Variants in NPHP4 observed in about 807,000 individuals in gnomAD.
NPHP4 encodes nephrocystin 4, also known as nephrocystin-4.
NPHP4 carries 151 observed loss-of-function variants against 155.8 expected under a neutral mutation model. That is an observed-to-expected ratio of 0.97 (90% confidence interval 0.85 to 1.11). NPHP4 has a LOEUF of 1.11. Among genes scored for constraint, NPHP4 ranks in the 50% least tolerant of loss-of-function variants. The pLI is 0.00. For synonymous variants in NPHP4, 845 were observed against 816.8 expected, an observed-to-expected ratio of 1.03 and a Z score of -0.59; for missense variants, 1,956 against 1,925.7, an observed-to-expected ratio of 1.02 and a Z score of -0.29.
chr1:5,939,647 G>A (rs999905214), intron 9 of NPHP4, among the ~76,000 whole-genome samples: 1 of 152,262 alleles, frequency 6.6e-6, no homozygotes, highest in African/African-American at 2.4e-5. Flanking sequence ...ATCCACTGCA[G>A]TGGGCACTGC....
At chr1:5,869,805 T>C (rs1177976863) in intron 23 of NPHP4, among the ~76,000 whole-genome samples, 1 of 152,140 alleles carries the variant, frequency 6.6e-6, no homozygotes, top group East Asian at 1.9e-4. Flanking sequence ...GGCAAATAAG[T>C]AAGCCAAATG....
At chr1:5,937,456 A>G (rs1646602435) in intron 9 of NPHP4, among the ~76,000 whole-genome samples, 1 of 152,346 alleles carries the variant, frequency 6.6e-6, no homozygotes, top group South Asian at 2.1e-4. Flanking sequence ...AGGTGAAAAC[A>G]TCACATTACT....
rs568310218 is a variant in NPHP4, at chr1:5,910,378, G to A, written c.1442-1165C>T. ...GACTTCCAGGATAACCCAGACCTCC[G>A]GAGAAATCAGGCTTCCCCCATGGCC... On this transcript the variant is annotated intron_variant, in intron 11 of 29. Coordinates refer to ENST00000378156, the MANE Select transcript of NPHP4 (RefSeq NM_015102.5). The surrounding 1 kb of genome is among the most constrained non-coding windows in gnomAD (Gnocchi z 5.4). Among the ~76,000 whole-genome samples the A allele has an allele frequency of 1.3e-5, 2 of 152,176 alleles. No individual in the cohort carries two copies. The highest frequency in any genetic ancestry group is 1.9e-4 in the East Asian group (1 of 5,164).
chr1:5,971,654 C>G (rs898736871), intron 3 of NPHP4, among the ~76,000 whole-genome samples: 2 of 152,232 alleles, frequency 1.3e-5, no homozygotes, highest in African/African-American at 4.8e-5. Context: ...TGCCTGACCA[C>G]CCAATTCCCG....
chr1:5,911,329 C>T (rs1359218491), intron 11 of NPHP4, among the ~76,000 whole-genome samples: 1 of 152,160 alleles, frequency 6.6e-6, no homozygotes, highest in African/African-American at 2.4e-5. Flanking sequence ...AGCTCCACGC[C>T]GTTCCTCCGT....
In NPHP4 at chr1:5,877,132, C is replaced by T; in HGVS notation, c.2778G>A (p.Glu926=). 1 of 1,590,194 alleles carries T rather than the reference C, an allele frequency of 6.3e-7. No individual in the cohort carries two copies. Among genetic ancestry groups the T allele is most frequent in the Non-Finnish European group, 8.6e-7 (1 of 1,161,710 alleles). Reference sequence around the variant, plus strand: ...CGCGCCGGCCCAAGTCTCCCCCGGCCTCCTGCAGGCGCACAGACCTCATCC... The same window carrying T: ...CGCGCCGGCCCAAGTCTCCCCCGGCTTCCTGCAGGCGCACAGACCTCATCC... ...LERMRSVRLQ[E]AGGDLGRRGT... Residue 926 remains glutamate (E), a synonymous_variant, in exon 20 of 30, where the codon GAG becomes GAA. Coordinates refer to ENST00000378156, the MANE Select transcript of NPHP4 (RefSeq NM_015102.5).
At chr1:5,883,021 G>A (rs928133096) in intron 18 of NPHP4, among the ~76,000 whole-genome samples, 1 of 152,130 alleles carries the variant, frequency 6.6e-6, no homozygotes, top group African/African-American at 2.4e-5. Context: ...CAGGGCTCCC[G>A]GTGAGAAGGG....
At chr1:5,962,443 A>G (rs1650507251) in intron 5 of NPHP4, among the ~76,000 whole-genome samples, 1 of 151,542 alleles carries the variant, frequency 6.6e-6, no homozygotes, top group South Asian at 2.1e-4. Flanking sequence ...CAGTTTCCCC[A>G]GGTCTCGCTG....
At chr1:5,909,587 C>T (rs1190685131) in intron 11 of NPHP4, among the ~76,000 whole-genome samples, 1 of 152,196 alleles carries the variant, frequency 6.6e-6, no homozygotes, top group Non-Finnish European at 1.5e-5. Flanking sequence ...CCCAGTCTTG[C>T]AGCTCCCTGA....
chr1:5,894,858 A>T (rs1029199381), intron 16 of NPHP4, among the ~76,000 whole-genome samples: 4 of 152,214 alleles, frequency 2.6e-5, no homozygotes, highest in Non-Finnish European at 1.5e-5. Flanking sequence ...ACAGATGGAA[A>T]GGCAGCCTTG....
intron 6 of NPHP4, among the ~76,000 whole-genome samples, chr1:5,954,658 A>G (rs541846414): frequency 2.0e-4 from 31 of 152,328 alleles, no homozygotes; most frequent in Middle Eastern, 3.4e-3. Flanking sequence ...GAAGAATGAG[A>G]TGAGACGCCC....
intron 6 of NPHP4, among the ~76,000 whole-genome samples, chr1:5,959,453 A>G (rs943222057): frequency 6.6e-6 from 1 of 152,182 alleles, no homozygotes; most frequent in Non-Finnish European, 1.5e-5. Context: ...ACAAGACACT[A>G]GGAACAAAAC....
intron 11 of NPHP4, among the ~76,000 whole-genome samples, chr1:5,920,779 T>C (rs775070667): frequency 1.3e-5 from 2 of 152,260 alleles, no homozygotes; most frequent in Non-Finnish European, 2.9e-5. Context: ...GTCATATGTA[T>C]TGCAAATATC....
chr1:5,870,133 C>G (rs1430861032), intron 23 of NPHP4, among the ~76,000 whole-genome samples: 1 of 152,114 alleles, frequency 6.6e-6, no homozygotes, highest in African/African-American at 2.4e-5. Flanking sequence ...ATATCATTCT[C>G]CAACCAAAGG....
At chr1:5,953,263 G>A (rs1294559739) in intron 6 of NPHP4, among the ~76,000 whole-genome samples, 3 of 152,042 alleles carry the variant, frequency 2.0e-5, no homozygotes, top group Non-Finnish European at 4.4e-5. Flanking sequence ...CTACCATGAC[G>A]CCCAGCTAAT....
chr1:5,880,255 C>A lies in NPHP4; in HGVS notation c.2486-16G>T. The A allele has an allele frequency of 6.2e-7, 1 of 1,612,820 alleles. No individual in the cohort carries two copies. On this transcript the variant is annotated splice_polypyrimidine_tract_variant and intron_variant, in intron 18 of 29. Coordinates refer to ENST00000378156, the MANE Select transcript of NPHP4 (RefSeq NM_015102.5). ...CACGGGTGACCTACATGAAAAACAT[C>A]CCAACATAAGACATGAACCCCAAAT...
intron 9 of NPHP4, among the ~76,000 whole-genome samples, chr1:5,945,727 C>T (rs2101906799): frequency 6.6e-6 from 1 of 152,302 alleles, no homozygotes; most frequent in African/African-American, 2.4e-5. Flanking sequence ...TCTTGTCAAC[C>T]GTTTTTTGGT....
intron 16 of NPHP4, among the ~76,000 whole-genome samples, chr1:5,898,935 G>A (rs1644533064): frequency 6.6e-6 from 1 of 152,164 alleles, no homozygotes. Context: ...AGGCCAGCAG[G>A]CCTGTGAAAG....
At position 5,867,055 on chromosome 1, in the gene NPHP4, T is replaced by C; in HGVS notation, c.3533A>G (p.Asn1178Ser). Residue 1178 changes from asparagine to serine, a missense_variant, in exon 25 of 30, where the codon AAC (asparagine) becomes AGC (serine). By Grantham distance (46) the Asn-to-Ser change is conservative. Coordinates refer to ENST00000378156, the MANE Select transcript of NPHP4 (RefSeq NM_015102.5). The surrounding 1 kb of genome is among the most constrained non-coding windows in gnomAD (Gnocchi z 4.1). ...CACATTCTGGGTCTCACAGATGACG[T>C]TCGGGTCGCTGCAGCGAACATGGAC... Reference protein sequence around the residue: ...PPVHVRCSDPNVICETQNVGP... With the variant: ...PPVHVRCSDPSVICETQNVGP... 6.2e-7 allele frequency: 1 copy of C among 1,613,000 alleles called. No individual in the cohort carries two copies. Among genetic ancestry groups the C allele is most frequent in the Non-Finnish European group, 8.5e-7 (1 of 1,179,516 alleles).
Sources: gnomAD v4.1 joint callset for allele counts (sites outside exome capture counted in the v4.1 genomes callset) on GRCh38, gnomAD v4.1.1 for gene constraint, Gnocchi (gnomAD v3.1) non-coding constraint, MANE v1.5 for transcripts, NCBI Gene and HGNC (gene_info 2026-07-23, HGNC 2026-07-21) for gene names.